Variants in ASB9 observed in about 807,000 individuals in gnomAD.
ASB9 encodes the protein ankyrin repeat and SOCS box containing 9.
A neutral mutation model predicts 16.6 loss-of-function variants in ASB9; 5 were observed. The ratio of observed to expected loss-of-function variants is 0.30; its 90% confidence interval spans 0.16 to 0.63. ASB9 has a LOEUF of 0.63. ASB9 is among the 30% of genes least tolerant of loss of function. The probability of loss-of-function intolerance (pLI) is 0.82; values close to 1 mark genes in which losing one functional copy is unlikely to be tolerated. For missense variants in ASB9, 216 were observed against 229.4 expected, an observed-to-expected ratio of 0.94 and a Z score of 0.38; for synonymous variants, 100 against 86.4, an observed-to-expected ratio of 1.16 and a Z score of -0.87.
At chrX:15,257,413 AAT>A (rs1267837807) in intron 2 of ASB9, among the ~76,000 whole-genome samples, 1 of 110,143 alleles carries the variant, frequency 9.1e-6, no homozygotes, top group East Asian at 2.8e-4. Flanking sequence ...TCAAAAAAAT[AAT>A]AATAATAATA....
At chrX:15,263,514 G>A (rs1926138550) in intron 1 of ASB9, among the ~76,000 whole-genome samples, 1 of 110,850 alleles carries the variant, frequency 9.0e-6, no homozygotes, top group South Asian at 3.9e-4. Context: ...TCTTTCTCCA[G>A]TTCCATCATC....
chrX:15,267,417 A>AATATATAT (rs1555934602), intron 1 of ASB9, among the ~76,000 whole-genome samples: 4 of 78,027 alleles, frequency 5.1e-5, no homozygotes, highest in Admixed American at 1.6e-4. Context: ...CTAAAAAAAA[A>AATATATAT]ATATATATAT....
intron 1 of ASB9, among the ~76,000 whole-genome samples, chrX:15,264,225 G>A (rs1926206367): frequency 9.0e-6 from 1 of 111,162 alleles, no homozygotes; most frequent in Non-Finnish European, 1.9e-5. Context: ...TGCCTCTGTT[G>A]TCACATAGCA....
chrX:15,254,875 G>A lies in ASB9; in HGVS notation c.175-31C>T, dbSNP rs1265636978. The A allele has an allele frequency of 3.5e-6, 4 of 1,135,134 alleles. No homozygotes were observed. In the African/African-American group the frequency reaches 5.4e-5, roughly 15 times the overall value. 93.5% of individuals were successfully genotyped at this position (1,135,134 alleles called of 1,213,427 possible). ...GGAGGGGAAACAGTCAGAGTAAGGGGTGCAAAGCAACAGTGCCCTGGGGCT... is the reference window on the plus strand; with the variant it reads ...GGAGGGGAAACAGTCAGAGTAAGGGATGCAAAGCAACAGTGCCCTGGGGCT... On this transcript the variant is annotated intron_variant, in intron 2 of 6. Transcript: ENST00000380488.
chrX:15,247,034 T>C (rs1264903606), intron 6 of ASB9, among the ~76,000 whole-genome samples: 1 of 111,703 alleles, frequency 9.0e-6, no homozygotes, highest in African/African-American at 3.3e-5. Context: ...CCTGTTGCCA[T>C]ACCATTGAAA....
At chrX:15,264,253 T>C (rs1218232558) in intron 1 of ASB9, among the ~76,000 whole-genome samples, 1 of 111,319 alleles carries the variant, frequency 9.0e-6, no homozygotes, top group Non-Finnish European at 1.9e-5. Flanking sequence ...TGTGTCTCCT[T>C]CTCCTTTTCT....
intron 1 of ASB9, among the ~76,000 whole-genome samples, chrX:15,265,394 C>G (rs1439420932): frequency 8.9e-6 from 1 of 112,219 alleles, no homozygotes; most frequent in Non-Finnish European, 1.9e-5. Flanking sequence ...TTTTGCCTGC[C>G]TTCTGTTAGT....
At chrX:15,267,543 G>A in intron 1 of ASB9, among the ~76,000 whole-genome samples, 1 of 79,450 alleles carries the variant, frequency 1.3e-5, no homozygotes, top group African/African-American at 5.1e-5. Flanking sequence ...AGGAGATTGA[G>A]ACCATCCTGG....
rs1303494478 is a variant in ASB9 at position 15,248,944 on chromosome X, T to A, written c.569-9A>T. 4 of 1,147,996 alleles carry A rather than the reference T, an allele frequency of 3.5e-6. No individual in the cohort carries two copies. Among genetic ancestry groups the A allele is most frequent in the Admixed American group, 2.7e-5 (1 of 37,016 alleles). The allele number at this position is 1,147,996 out of a possible 1,213,427, so 94.6% of individuals were successfully genotyped here. On this transcript the variant is annotated splice_polypyrimidine_tract_variant and intron_variant, in intron 5 of 6. Coordinates refer to ENST00000380488, the MANE Select transcript of ASB9 (RefSeq NM_001031739.3). ...TTGGTTCACGTCCGCTCCTAAACAGTCACGAGAACAAAAAAGAGTCAGCAA... is the reference window on the plus strand; with the variant it reads ...TTGGTTCACGTCCGCTCCTAAACAGACACGAGAACAAAAAAGAGTCAGCAA...
chrX:15,250,708 G>GATTTTATTTTATTTC, intron 4 of ASB9, 144 bp from the exon 5 acceptor site: 3 of 494,065 alleles, frequency 6.1e-6, no homozygotes, highest in Non-Finnish European at 9.6e-6. Context: ...AATCAGGAGT[G>GATTTTATTTTATTTC]ATTTTATTTT....
At chrX:15,270,081 TACAC>T (rs370190376) in exon 1 of ASB9, 2,340 of 287,444 alleles carry the variant, frequency 8.1e-3, 1 homozygote, top group East Asian at 0.01. Context: ...TGCGCTCGTG[TACAC>T]ACACACACAC....
intron 1 of ASB9, among the ~76,000 whole-genome samples, chrX:15,267,048 G>A (rs1450921132): frequency 8.8e-6 from 1 of 113,861 alleles, no homozygotes; most frequent in Non-Finnish European, 1.9e-5. Flanking sequence ...TAACCGTGCA[G>A]AAGTCAACCA....
intron 2 of ASB9, among the ~76,000 whole-genome samples, chrX:15,255,534 C>G (rs1925465428): frequency 9.0e-6 from 1 of 111,418 alleles, no homozygotes; most frequent in African/African-American, 3.3e-5. Context: ...TTTGGAGGAG[C>G]CAGCATTGTG....
At position 15,244,535 on chromosome X, in the gene ASB9, C is replaced by A; in HGVS notation, c.856G>T (p.Asp286Tyr). ...HKITKLVLPE[D>Y]LKQFLLHL ...AGATGTAGGAGAAACTGTTTCAGAT[C>A]CTCTGGGAGGACGAGTTTGGTTATC... The change falls in exon 7 of 7, where the codon GAT becomes TAT. Residue 286 changes from aspartate to tyrosine, a missense_variant. Coordinates refer to ENST00000380488, the MANE Select transcript of ASB9 (RefSeq NM_001031739.3). 6 of 1,196,586 alleles carry A rather than the reference C, an allele frequency of 5.0e-6. No individual in the cohort carries two copies. The South Asian group carries it at 8.9e-5, about 18-fold the overall frequency.
intron 3 of ASB9, 79 bp from the exon 4 acceptor site, chrX:15,252,483 G>A: frequency 2.1e-6 from 2 of 930,312 alleles, no homozygotes; most frequent in African/African-American, 2.0e-5. Context: ...CTCTGAAGAT[G>A]TTATTTAACA....
chrX:15,267,417 A>AGAATATATATTAAAAAAAAAAAAAATAC (rs1555934601), intron 1 of ASB9, among the ~76,000 whole-genome samples: 5 of 77,994 alleles, frequency 6.4e-5, no homozygotes, highest in African/African-American at 2.6e-4. Context: ...CTAAAAAAAA[A>AGAATATATATTAAAAAAAAAAAAAATAC]ATATATATAT....
At chrX:15,261,636 A>C (rs1925971610) in intron 1 of ASB9, among the ~76,000 whole-genome samples, 1 of 110,327 alleles carries the variant, frequency 9.1e-6, no homozygotes, top group African/African-American at 3.3e-5. Flanking sequence ...GAGAATAACA[A>C]GGCTATCTGA....
At chrX:15,248,985 C>G (rs56088357) in intron 5 of ASB9, 50 bp from the exon 6 acceptor site, 341,046 of 1,074,279 alleles carry the variant, frequency 0.32, 40,780 homozygotes, top group Non-Finnish European at 0.35. Context: ...AGAATCCAAC[C>G]ATCGGGGCTT....
intron 6 of ASB9, 194 bp downstream of exon 6, chrX:15,248,550 G>A: frequency 1.5e-6 from 1 of 680,910 alleles, no homozygotes. Context: ...CTAAATAGCA[G>A]GACAGTTATT....
Sources: gnomAD v4.1 joint callset for allele counts (sites outside exome capture counted in the v4.1 genomes callset) on GRCh38, gnomAD v4.1.1 for gene constraint, MANE v1.5 for transcripts, NCBI Gene and HGNC (gene_info 2026-07-23, HGNC 2026-07-21) for gene names.